KIR2DL1: variants seen among roughly 807,000 people sequenced by gnomAD.
KIR2DL1 encodes the protein killer cell immunoglobulin-like receptor 2DL1.
In KIR2DL1, 38 loss-of-function variants were observed where a neutral mutation model predicts 33.9. The ratio of observed to expected loss-of-function variants is 1.12; its 90% confidence interval spans 0.86 to 1.47. The LOEUF (loss-of-function observed/expected upper bound fraction) is 1.47. KIR2DL1 is among the 40% of genes most tolerant of loss of function. KIR2DL1 has a pLI of 0.00. For missense variants in KIR2DL1, 531 were observed against 433.9 expected (o/e 1.22, Z -1.99); for synonymous variants, 179 against 165.9 (o/e 1.08, Z -0.61).
At chr19:54,776,422 C>T (rs1292462898) in intron 4 of KIR2DL1, among the ~76,000 whole-genome samples, 6 of 145,906 alleles carry the variant, frequency 4.1e-5, no homozygotes, top group Admixed American at 2.1e-4. Flanking sequence ...GGATGTTATT[C>T]TTTCTATGGA....
rs1298499211 is a variant in KIR2DL1 at position 54,778,674 on chromosome 19, A to G, written c.715+12A>G. The G allele has an allele frequency of 3.3e-6, 5 of 1,522,098 alleles. No homozygotes were observed. Among genetic ancestry groups the G allele is most frequent in the African/African-American group, 2.8e-5 (2 of 70,288 alleles). 94.3% of individuals were successfully genotyped at this position (1,522,098 alleles called of 1,614,324 possible). A position where few individuals can be genotyped will look rare whatever the true frequency, so the allele number is the denominator to read the frequency against. ...AAGCTCCAAAACCGGTGAGTACAGA[A>G]CCCTCTTATATCCGCTTTTGGAACC... On this transcript the variant is annotated intron_variant, in intron 5 of 7. Transcript: ENST00000336077.
intron 5 of KIR2DL1, among the ~76,000 whole-genome samples, chr19:54,781,372 G>T (rs2076916709): frequency 6.7e-6 from 1 of 150,026 alleles, no homozygotes; most frequent in Non-Finnish European, 1.5e-5. Context: ...AAATGTGAAA[G>T]CCCGCTGAAT....
At chr19:54,775,596 A>G in intron 4 of KIR2DL1, 138 bp downstream of exon 4, 1 of 1,227,212 alleles carries the variant, frequency 8.1e-7, no homozygotes, top group East Asian at 2.4e-5. Flanking sequence ...ATCAGGGCAC[A>G]GGATGGCCGA....
rs577310175 is a variant in KIR2DL1 at position 54,775,572 on chromosome 19, G to A, written c.664+114G>A. ...AGATGCAGAGAGAAGACGCAGCCTC[G>A]GTGTGAGGGAGGGATCAGGGCACAG... is the stretch of plus-strand genomic sequence containing the variant. On this transcript the variant is annotated intron_variant, in intron 4 of 7. Transcript: ENST00000336077. 3.7e-4 allele frequency: 490 copies of A among 1,317,782 alleles called. 6 individuals carry two copies. The highest frequency in any genetic ancestry group is 2.8e-3 in the African/African-American group (190 of 67,516). 81.6% of individuals were successfully genotyped at this position (1,317,782 alleles called of 1,614,324 possible).
chr19:54,773,744 G>A, intron 3 of KIR2DL1, 112 bp downstream of exon 3: 2 of 1,193,026 alleles, frequency 1.7e-6, no homozygotes, highest in Non-Finnish European at 2.4e-6. Context: ...CTTATGGAGA[G>A]AGACTGACTT....
chr19:54,774,792 A>G (rs1158910986), intron 3 of KIR2DL1, among the ~76,000 whole-genome samples: 2 of 148,528 alleles, frequency 1.3e-5, no homozygotes, highest in Non-Finnish European at 3.0e-5. Context: ...ATTTGTAGAT[A>G]GGCACCGAAT....
chr19:54,773,551 A>G lies in KIR2DL1; in HGVS notation c.289A>G (p.Thr97Ala). The G allele has an allele frequency of 1.3e-6, 2 of 1,582,722 alleles. No individual in the cohort carries two copies. The highest frequency in any genetic ancestry group is 1.7e-6 in the Non-Finnish European group (2 of 1,155,032). The change falls in exon 3 of 8, where the codon ACC becomes GCC. Residue 97 changes from threonine to alanine, a missense_variant. Transcript: ENST00000336077. ...TCGCATGACGCAAGACCTGGCAGGG[A>G]CCTACAGATGCTACGGTTCTGTTAC... ...ISRMTQDLAGTYRCYGSVTHS... is the reference protein window; with the variant it reads ...ISRMTQDLAGAYRCYGSVTHS...
At position 54,783,639 on chromosome 19, in the gene KIR2DL1, C is replaced by T. The variant is rs1461408490; in HGVS notation, c.873C>T (p.Asp291=). Residue 291 remains aspartate, a splice_region_variant and synonymous_variant, in exon 8 of 8, where the codon GAC becomes GAT. Coordinates refer to ENST00000336077, the MANE Select transcript of KIR2DL1 (RefSeq NM_014218.3). The stretch of plus-strand genomic sequence containing the variant: ...ACTCAGCATTTCCCTCTCTCCAGGA[C>T]TCTGATGAACAAGACCCTCAGGAGG... ...SAGNRTANSE[D]SDEQDPQEVT... The T allele has an allele frequency of 9.3e-6, 15 of 1,613,816 alleles. No individual in the cohort carries two copies. The highest frequency in any genetic ancestry group is 6.7e-5 in the African/African-American group (5 of 74,896).
chr19:54,776,394 A>G (rs935741080), intron 4 of KIR2DL1, among the ~76,000 whole-genome samples: 1 of 145,770 alleles, frequency 6.9e-6, no homozygotes, highest in Non-Finnish European at 1.5e-5. Context: ...AGTTCCATCC[A>G]TGTGGCTGCA....
chr19:54,779,098 G>A (rs1167951868), intron 5 of KIR2DL1, among the ~76,000 whole-genome samples: 1 of 147,612 alleles, frequency 6.8e-6, no homozygotes, highest in Non-Finnish European at 1.5e-5. Flanking sequence ...CAGAGAAAGA[G>A]CCTTGCCGTA....
At chr19:54,775,521 T>C in intron 4 of KIR2DL1, 63 bp downstream of exon 4, 3 of 1,479,660 alleles carry the variant, frequency 2.0e-6, no homozygotes, top group Non-Finnish European at 2.8e-6. Context: ...AGGAGCTTCC[T>C]GCTGAGGATG....
rs1229188745 is a variant in KIR2DL1, at chr19:54,782,553, C to T, written c.716-369C>T. Among the ~76,000 whole-genome samples the T allele has an allele frequency of 5.9e-5, 9 of 151,892 alleles. 1 individual carries two copies. The highest frequency in any genetic ancestry group is 8.8e-5 in the Non-Finnish European group (6 of 67,940). On this transcript the variant is annotated intron_variant, in intron 5 of 7. Transcript: ENST00000336077. ...AAGCTCTTTTTAACAACCAGCTCTC[C>T]GGGAACTAATAGAGGGGGAACTTGC...
intron 2 of KIR2DL1, among the ~76,000 whole-genome samples, chr19:54,771,925 T>C (rs1392291714): frequency 6.8e-6 from 1 of 147,526 alleles, no homozygotes; most frequent in Non-Finnish European, 1.5e-5. Context: ...ATTCTCCTTG[T>C]CCCACCTCCT....
chr19:54,773,104 G>C (rs917906514), intron 2 of KIR2DL1, among the ~76,000 whole-genome samples: 1 of 148,622 alleles, frequency 6.7e-6, no homozygotes, highest in Non-Finnish European at 1.5e-5. Context: ...ATGAGGCTGA[G>C]CCCAGCGGCA....
chr19:54,771,323 G>A (rs2075699817), intron 2 of KIR2DL1, among the ~76,000 whole-genome samples: 2 of 148,404 alleles, frequency 1.3e-5, no homozygotes, highest in Non-Finnish European at 3.0e-5. Flanking sequence ...CATTCTCAAA[G>A]GACATGCCCT....
intron 4 of KIR2DL1, among the ~76,000 whole-genome samples, chr19:54,778,179 A>T (rs1396913994): frequency 1.3e-5 from 2 of 148,558 alleles, no homozygotes; most frequent in Non-Finnish European, 1.5e-5. Flanking sequence ...AGAATGATTG[A>T]ACCCAGGAGG....
In KIR2DL1 at chr19:54,784,221, C is replaced by G. The variant is rs895687538; in HGVS notation, c.*408C>G. Reference sequence around the variant, plus strand: ...CTTCCCTCATGCTGTTCCACCTCCCCTCAGACTAGCTTTCAGTCTTCTGTC... The same window carrying G: ...CTTCCCTCATGCTGTTCCACCTCCCGTCAGACTAGCTTTCAGTCTTCTGTC... On this transcript the variant is annotated 3_prime_UTR_variant, in exon 8 of 8. Coordinates refer to ENST00000336077, the MANE Select transcript of KIR2DL1 (RefSeq NM_014218.3). The G allele has an allele frequency of 3.7e-4, 119 of 325,212 alleles. 1 individual carries two copies. Among genetic ancestry groups the G allele is most frequent in the African/African-American group, 2.5e-3 (116 of 46,954 alleles). 20.1% of individuals were successfully genotyped at this position (325,212 alleles called of 1,614,324 possible).
chr19:54,778,765 T>TC, intron 5 of KIR2DL1, 103 bp downstream of exon 5: 1 of 997,936 alleles, frequency 1.0e-6, no homozygotes, highest in African/African-American at 1.8e-5. Context: ...CATTGTACAC[T>TC]TGTCTTCCAC....
Position 54,770,902 on chromosome 19 carries a change from C to T in KIR2DL1, c.70+18C>T, listed in dbSNP as rs751817784. 3 of 1,581,136 alleles carry T rather than the reference C, an allele frequency of 1.9e-6. No individual in the cohort carries two copies. The highest frequency in any genetic ancestry group is 2.6e-6 in the Non-Finnish European group (3 of 1,154,312). The stretch of plus-strand genomic sequence containing the variant: ...ACATGAGGGTGAGTCCTTCTCCCAA[C>T]CTTCGGGTGTCATCTCCCCACATAA... On this transcript the variant is annotated intron_variant, in intron 2 of 7. Coordinates refer to ENST00000336077, the MANE Select transcript of KIR2DL1 (RefSeq NM_014218.3).
Sources: gnomAD v4.1 joint callset for allele counts (sites outside exome capture counted in the v4.1 genomes callset) on GRCh38, gnomAD v4.1.1 for gene constraint, MANE v1.5 for transcripts, NCBI Gene and HGNC (gene_info 2026-07-23, HGNC 2026-07-21) for gene names.